SPRED2: variants seen among roughly 807,000 people sequenced by gnomAD.
SPRED2 encodes the protein sprouty related EVH1 domain containing 2.
In SPRED2, 47 loss-of-function variants were observed where a neutral mutation model predicts 43.0. That is an observed-to-expected ratio of 1.09 (90% CI 0.87 to 1.40). The LOEUF (loss-of-function observed/expected upper bound fraction) is 1.40. SPRED2 is among the 40% of genes most tolerant of loss of function. The pLI is 0.00. For synonymous variants in SPRED2, 225 were observed against 225.7 expected (o/e 1.00, Z 0.03); for missense variants, 561 against 586.4 (o/e 0.96, Z 0.45).
chr2:65,408,494 G>A (rs1676077109), intron 1 of SPRED2, among the ~76,000 whole-genome samples: 1 of 152,104 alleles, frequency 6.6e-6, no homozygotes, highest in Admixed American at 6.5e-5. Context: ...CAGGCAAATT[G>A]CTCGGACCAG....
chr2:65,404,033 C>T (rs901659346), intron 1 of SPRED2, among the ~76,000 whole-genome samples: 20 of 151,908 alleles, frequency 1.3e-4, no homozygotes, highest in Admixed American at 1.1e-3. Context: ...GGTGAAACCC[C>T]GTCTCTACTA....
intron 4 of SPRED2, among the ~76,000 whole-genome samples, chr2:65,326,848 AT>A (rs1024453638): frequency 1.2e-3 from 182 of 150,234 alleles, no homozygotes; most frequent in African/African-American, 3.5e-3. Context: ...TAAAAAAACA[AT>A]TTTTTTTTTG....
chr2:65,400,625 T>G (rs1020202278), intron 1 of SPRED2, among the ~76,000 whole-genome samples: 6 of 152,054 alleles, frequency 3.9e-5, no homozygotes, highest in Admixed American at 1.3e-4. Flanking sequence ...TGGGCTGGGG[T>G]ATGGGGGTTC....
In SPRED2 at chr2:65,334,612, A is replaced by C. The variant is rs975557978; in HGVS notation, c.366T>G (p.Leu122=). ...CAGCGACAAGTTCAATACCTTCTAT[A>C]AGGTCTTCGATTGCTTTCCTTACTC... ...DRGVRKAIED[L]IEGSTTSSST... Residue 122 remains leucine (L), a synonymous_variant, in exon 3 of 6, where the codon CTT becomes CTG. Coordinates refer to ENST00000356388, the MANE Select transcript of SPRED2 (RefSeq NM_181784.3). The C allele has an allele frequency of 1.2e-6, 2 of 1,614,030 alleles. No homozygotes were observed. The highest frequency in any genetic ancestry group is 2.7e-5 in the African/African-American group (2 of 74,920).
intron 4 of SPRED2, among the ~76,000 whole-genome samples, chr2:65,321,308 T>A (rs1364547591): frequency 6.6e-6 from 1 of 152,062 alleles, no homozygotes; most frequent in Non-Finnish European, 1.5e-5. Context: ...CCTTGCCACC[T>A]GCAAATGTAC....
chr2:65,308,629 G>A (rs191074360), downstream of SPRED2: 163 of 884,798 alleles, frequency 1.8e-4, 1 homozygote, highest in East Asian at 6.3e-3. Context: ...CACCTGCTGC[G>A]TATCCCACTG....
At chr2:65,363,330 T>C (rs1187246006) in intron 1 of SPRED2, among the ~76,000 whole-genome samples, 1 of 151,848 alleles carries the variant, frequency 6.6e-6, no homozygotes, top group African/African-American at 2.4e-5. Flanking sequence ...CCAGGTGCAG[T>C]TGACGCAACA....
intron 1 of SPRED2, among the ~76,000 whole-genome samples, chr2:65,365,707 C>T (rs1185106948): frequency 1.3e-5 from 2 of 152,178 alleles, no homozygotes; most frequent in Non-Finnish European, 2.9e-5. Context: ...CTAACTATAG[C>T]ATCTGTCCCT....
chr2:65,423,019 A>T (rs1272563829), intron 1 of SPRED2, among the ~76,000 whole-genome samples: 1 of 152,270 alleles, frequency 6.6e-6, no homozygotes, highest in Non-Finnish European at 1.5e-5. Flanking sequence ...GCTTTAAAAG[A>T]TCTATAAAAA....
chr2:65,430,408 A>G (rs1572911632), intron 1 of SPRED2, among the ~76,000 whole-genome samples: 1 of 152,298 alleles, frequency 6.6e-6, no homozygotes, highest in South Asian at 2.1e-4. Context: ...AAGGAAACTG[A>G]AATTCCCTTT....
intron 1 of SPRED2, among the ~76,000 whole-genome samples, chr2:65,404,692 C>A (rs1675981877): frequency 6.6e-6 from 1 of 152,156 alleles, no homozygotes; most frequent in Non-Finnish European, 1.5e-5. Flanking sequence ...GTCAACAGAC[C>A]CCCAACTTTG....
At chr2:65,333,649 C>T (rs1399918331) in intron 3 of SPRED2, among the ~76,000 whole-genome samples, 1 of 152,122 alleles carries the variant, frequency 6.6e-6, no homozygotes, top group Non-Finnish European at 1.5e-5. Context: ...AAATATTTGC[C>T]ACTTATGTCA....
In SPRED2 at chr2:65,327,964, C is replaced by T. The variant is rs865882343; in HGVS notation, c.438+4023G>A. On this transcript the variant is annotated intron_variant, in intron 4 of 5. Transcript: ENST00000356388. Reference sequence around the variant, plus strand: ...GTCTTGAATTGCTGACCTCGTGATCCGCCCACCTTGGCCTCCCAAAGTGCT... The same window carrying T: ...GTCTTGAATTGCTGACCTCGTGATCTGCCCACCTTGGCCTCCCAAAGTGCT... Among the ~76,000 whole-genome samples the T allele has an allele frequency of 7.2e-5, 11 of 152,056 alleles. No homozygotes were observed. The East Asian group carries it at 7.8e-4, about 11-fold the overall frequency.
chr2:65,394,641 CCT>C (rs1675712200), intron 1 of SPRED2, among the ~76,000 whole-genome samples: 2 of 152,130 alleles, frequency 1.3e-5, no homozygotes, highest in Non-Finnish European at 1.5e-5. Context: ...GGCTTTGTCC[CCT>C]GTGTGTGCAC....
intron 1 of SPRED2, among the ~76,000 whole-genome samples, chr2:65,409,281 C>A (rs1049872447): frequency 6.6e-6 from 1 of 152,108 alleles, no homozygotes; most frequent in Non-Finnish European, 1.5e-5. Context: ...TGGAGATGTG[C>A]TCCAATTATA....
At position 65,313,923 on chromosome 2, in the gene SPRED2, C is replaced by A. The variant is rs749448972; in HGVS notation, c.835G>T (p.Asp279Tyr). Residue 279 changes from aspartate (D) to tyrosine (Y), a missense_variant, in exon 6 of 6, where the codon GAC (aspartate) becomes TAC (tyrosine). Physicochemically the swap from Asp to Tyr is radical, Grantham distance 160. Coordinates refer to ENST00000356388, the MANE Select transcript of SPRED2 (RefSeq NM_181784.3). ...VDSSDFGLGE[D>Y]PKGRGGSVIK... ...ACGCTGCCCCCGCGGCCTTTGGGGT[C>A]CTCGCCTAGGCCAAAGTCTGAGGAG... 1.2e-6 allele frequency: 2 copies of A among 1,611,014 alleles called. No individual in the cohort carries two copies. The highest frequency in any genetic ancestry group is 8.5e-7 in the Non-Finnish European group (1 of 1,179,996).
intron 1 of SPRED2, among the ~76,000 whole-genome samples, chr2:65,358,073 C>G (rs1406187072): frequency 6.6e-6 from 1 of 152,062 alleles, no homozygotes; most frequent in Non-Finnish European, 1.5e-5. Flanking sequence ...GATCAGAAAA[C>G]TTTCAGCAGT....
rs149783184 is a variant in SPRED2, at chr2:65,310,936, T to C, written c.*2565A>G. 50 of 983,946 alleles carry C rather than the reference T, an allele frequency of 5.1e-5. No individual in the cohort carries two copies. The East Asian group carries it at 5.3e-3, about 105-fold the overall frequency. 61.0% of individuals were successfully genotyped at this position (983,946 alleles called of 1,614,324 possible). Reference sequence around the variant, plus strand: ...ACATATTAGAAACCATAAAAAAAAGTTAAGAACTAAAATGTACATCATACA... The same window carrying C: ...ACATATTAGAAACCATAAAAAAAAGCTAAGAACTAAAATGTACATCATACA... On this transcript the variant is annotated 3_prime_UTR_variant, in exon 6 of 6. Transcript: ENST00000356388.
At chr2:65,360,258 T>C (rs1282516440) in intron 1 of SPRED2, among the ~76,000 whole-genome samples, 1 of 152,190 alleles carries the variant, frequency 6.6e-6, no homozygotes, top group Non-Finnish European at 1.5e-5. Context: ...TTTCACTCAC[T>C]GGTGTGCTTC....
Sources: allele counts gnomAD v4.1 joint callset (sites outside exome capture counted in the v4.1 genomes callset), GRCh38; gene constraint gnomAD v4.1.1; transcripts MANE v1.5; gene names NCBI Gene and HGNC (gene_info 2026-07-23, HGNC 2026-07-21).